Variants in NKAIN2 observed in about 807,000 individuals in gnomAD.
The protein encoded by NKAIN2 is sodium/potassium-transporting ATPase subunit beta-1-interacting protein 2.
Under a neutral mutation model 32.6 loss-of-function variants are expected in NKAIN2, and 14 were observed. The observed-to-expected ratio is 0.43, with a 90% CI of 0.28 to 0.67. The LOEUF is 0.67. Ranked by LOEUF, NKAIN2 falls within the 30% of genes least tolerant of loss-of-function variation. The pLI is 0.17. For synonymous variants in NKAIN2, 80 were observed against 87.2 expected (o/e 0.92, Z 0.46); for missense variants, 198 against 258.3 (o/e 0.77, Z 1.60).
intron 4 of NKAIN2, among the ~76,000 whole-genome samples, chr6:124,767,339 C>T (rs1250785256): frequency 6.6e-6 from 1 of 151,818 alleles, no homozygotes; most frequent in Non-Finnish European, 1.5e-5. Context: ...CCACCAAAGA[C>T]TTTTAAATGA....
intron 4 of NKAIN2, among the ~76,000 whole-genome samples, chr6:124,662,541 C>T (rs1784786202): frequency 6.6e-6 from 1 of 152,098 alleles, no homozygotes; most frequent in South Asian, 2.1e-4. Flanking sequence ...TATTTTTCAA[C>T]AGATTGAGGA....
intron 1 of NKAIN2, among the ~76,000 whole-genome samples, chr6:123,914,627 G>T (rs1389677140): frequency 6.6e-6 from 1 of 152,088 alleles, no homozygotes; most frequent in Non-Finnish European, 1.5e-5. Context: ...TGAGGGTTTG[G>T]TGATTTGCTG....
At chr6:123,860,830 T>C (rs1301068335) in intron 1 of NKAIN2, among the ~76,000 whole-genome samples, 2 of 152,230 alleles carry the variant, frequency 1.3e-5, no homozygotes, top group Non-Finnish European at 2.9e-5. Flanking sequence ...ACTTCTCATG[T>C]CATGTCTCCT....
chr6:124,576,643 G>GC (rs1781346272), intron 3 of NKAIN2, among the ~76,000 whole-genome samples: 1 of 151,932 alleles, frequency 6.6e-6, no homozygotes, highest in Non-Finnish European at 1.5e-5. Flanking sequence ...AAAATATCAT[G>GC]CCTTGGCAAA....
intron 2 of NKAIN2, among the ~76,000 whole-genome samples, chr6:124,341,365 T>C (rs774934431): frequency 6.6e-6 from 1 of 152,132 alleles, no homozygotes; most frequent in Non-Finnish European, 1.5e-5. Flanking sequence ...AAGATTCCCA[T>C]TTCATTTAAA....
intron 4 of NKAIN2, among the ~76,000 whole-genome samples, chr6:124,777,702 G>A (rs776156002): frequency 6.6e-6 from 1 of 152,102 alleles, no homozygotes; most frequent in African/African-American, 2.4e-5. Flanking sequence ...GGGAGTCAGA[G>A]TTATCTAAAG....
intron 1 of NKAIN2, among the ~76,000 whole-genome samples, chr6:124,132,038 C>A (rs957624207): frequency 2.0e-5 from 3 of 152,150 alleles, no homozygotes; most frequent in Admixed American, 2.0e-4. Flanking sequence ...GTTCTGCCTG[C>A]AGGCTGCCTG....
intron 1 of NKAIN2, among the ~76,000 whole-genome samples, chr6:124,265,193 G>T (rs538087574): frequency 6.6e-6 from 1 of 151,706 alleles, no homozygotes; most frequent in Non-Finnish European, 1.5e-5. Flanking sequence ...TTAATAGAAA[G>T]ATACATGCTT....
intron 3 of NKAIN2, among the ~76,000 whole-genome samples, chr6:124,552,320 G>T (rs891040495): frequency 6.6e-6 from 1 of 152,194 alleles, no homozygotes. Flanking sequence ...GAATCCCAAA[G>T]TCTGGCCGAT....
chr6:123,806,962 A>G (rs997013878), intron 1 of NKAIN2, among the ~76,000 whole-genome samples: 12 of 152,122 alleles, frequency 7.9e-5, no homozygotes, highest in African/African-American at 2.9e-4. Context: ...GGCTTTTGGT[A>G]TTGTGGATAT....
At chr6:124,757,992 G>A (rs2099470473) in intron 4 of NKAIN2, among the ~76,000 whole-genome samples, 1 of 152,146 alleles carries the variant, frequency 6.6e-6, no homozygotes, top group African/African-American at 2.4e-5. Context: ...AGAGAACAAA[G>A]TTGTGAATAC....
chr6:124,416,993 T>C (rs1287980050), intron 3 of NKAIN2, among the ~76,000 whole-genome samples: 1 of 152,190 alleles, frequency 6.6e-6, no homozygotes, highest in African/African-American at 2.4e-5. Context: ...AGAGAAGGCC[T>C]GCTGAAACCC....
At chr6:123,857,279 A>G (rs142505849) in intron 1 of NKAIN2, among the ~76,000 whole-genome samples, 1,996 of 148,984 alleles carry the variant, frequency 0.013, 20 homozygotes, top group South Asian at 0.022. Context: ...TTTTTTTTGC[A>G]TATGTGATGA....
At chr6:123,805,849 C>T (rs563197224) in intron 1 of NKAIN2, among the ~76,000 whole-genome samples, 4 of 150,484 alleles carry the variant, frequency 2.7e-5, no homozygotes, top group African/African-American at 9.8e-5. Context: ...GTGTGTAGAT[C>T]ATTCTTATGC....
intron 1 of NKAIN2, among the ~76,000 whole-genome samples, chr6:124,256,197 A>G (rs564347784): frequency 2.6e-5 from 4 of 152,214 alleles, no homozygotes; most frequent in African/African-American, 7.2e-5. Context: ...TGTTGTCACA[A>G]CAAAAATCCA....
At chr6:124,739,266 A>G (rs1777090739) in intron 4 of NKAIN2, among the ~76,000 whole-genome samples, 1 of 151,910 alleles carries the variant, frequency 6.6e-6, no homozygotes, top group South Asian at 2.1e-4. Context: ...ATTAGCTCTC[A>G]TAGACCATTG....
chr6:124,588,256 T>G (rs1222185858), intron 3 of NKAIN2, among the ~76,000 whole-genome samples: 2 of 152,210 alleles, frequency 1.3e-5, no homozygotes, highest in African/African-American at 4.8e-5. Flanking sequence ...CACATCACTT[T>G]AAGTATGAAT....
chr6:124,577,715 A>T (rs1292284494), intron 3 of NKAIN2, among the ~76,000 whole-genome samples: 1 of 151,828 alleles, frequency 6.6e-6, no homozygotes, highest in Non-Finnish European at 1.5e-5. Flanking sequence ...ACCTAATGAG[A>T]TAATAGCTGG....
chr6:124,366,047 A>C (rs1377569870), intron 3 of NKAIN2, among the ~76,000 whole-genome samples: 3 of 152,110 alleles, frequency 2.0e-5, no homozygotes, highest in East Asian at 1.9e-4. Flanking sequence ...CTCAAAACTC[A>C]ATGATCTTAA....
Sources: allele counts gnomAD v4.1 joint callset (sites outside exome capture counted in the v4.1 genomes callset), GRCh38; gene constraint gnomAD v4.1.1; transcripts MANE v1.5; gene names NCBI Gene and HGNC (gene_info 2026-07-23, HGNC 2026-07-21).